Variants in MACROD1 observed in about 807,000 individuals in gnomAD.
MACROD1 encodes mono-ADP ribosylhydrolase 1.
MACROD1 carries 31 observed loss-of-function variants against 41.4 expected under a neutral mutation model. The ratio of observed to expected loss-of-function variants is 0.75; its 90% CI spans 0.56 to 1.01. The LOEUF is 1.01. Ranked by LOEUF, MACROD1 falls within the 50% of genes least tolerant of loss-of-function variation. MACROD1 has a pLI of 0.00. For synonymous variants in MACROD1, 252 were observed against 203.4 expected, an observed-to-expected ratio of 1.24 and a Z score of -2.03; for missense variants, 473 against 460.0, an observed-to-expected ratio of 1.03 and a Z score of -0.26.
At chr11:64,051,616 C>T (rs938245683) in intron 3 of MACROD1, among the ~76,000 whole-genome samples, 5 of 152,346 alleles carry the variant, frequency 3.3e-5, no homozygotes, top group East Asian at 1.9e-4. Context: ...GCCATTCCTG[C>T]GTGGAGCGGG....
intron 3 of MACROD1, among the ~76,000 whole-genome samples, chr11:64,019,185 A>G (rs1943120888): frequency 6.6e-6 from 1 of 152,182 alleles, no homozygotes; most frequent in Non-Finnish European, 1.5e-5. Flanking sequence ...CCCCCACTGC[A>G]GGCCGAGGTG....
intron 3 of MACROD1, among the ~76,000 whole-genome samples, chr11:64,141,522 CT>C (rs1332027772): frequency 6.6e-6 from 1 of 152,266 alleles, no homozygotes; most frequent in Admixed American, 6.5e-5. Context: ...ACCAGCTCGG[CT>C]GTGCCTTGCC....
intron 1 of MACROD1, among the ~76,000 whole-genome samples, chr11:64,158,534 C>T (rs556605339): frequency 5.3e-5 from 8 of 152,300 alleles, no homozygotes; most frequent in Admixed American, 2.0e-4. Context: ...TGAGCCACCA[C>T]GCCTGGCCCA....
intron 3 of MACROD1, chr11:64,116,198 C>G: frequency 2.6e-6 from 4 of 1,535,388 alleles, no homozygotes; most frequent in Non-Finnish European, 2.6e-6. Context: ...TCTCACTGCC[C>G]CTGTCCTGTG....
intron 3 of MACROD1, among the ~76,000 whole-genome samples, chr11:64,130,441 A>T (rs568691995): frequency 6.6e-6 from 1 of 152,052 alleles, no homozygotes; most frequent in Non-Finnish European, 1.5e-5. Flanking sequence ...TCCTGCCCCT[A>T]CTTCCCAGGA....
At chr11:63,999,155 C>CTCAT in intron 8 of MACROD1, 119 bp from the exon 9 acceptor site, 1 of 1,309,376 alleles carries the variant, frequency 7.6e-7, no homozygotes, top group Non-Finnish European at 1.0e-6. Context: ...CGGAGGCTCA[C>CTCAT]GGCTGTGTGC....
At chr11:64,037,027 T>C (rs1249774994) in intron 3 of MACROD1, among the ~76,000 whole-genome samples, 1 of 150,482 alleles carries the variant, frequency 6.6e-6, no homozygotes, top group Non-Finnish European at 1.5e-5. Flanking sequence ...CCGGGAGGTC[T>C]TCGAGGCCCT....
chr11:64,090,889 C>A lies in MACROD1; in HGVS notation c.517+60350G>T, dbSNP rs1429885463. ...AGGGACGAAGTAAAGCAGGAGAGGGCAGGGGGAGGGACAGCCAGGGTGGTC... is the reference window on the plus strand; with the variant it reads ...AGGGACGAAGTAAAGCAGGAGAGGGAAGGGGGAGGGACAGCCAGGGTGGTC... On this transcript the variant is annotated intron_variant, in intron 3 of 10. Transcript: ENST00000255681. The surrounding 1 kb of genome is among the most constrained non-coding windows in gnomAD (Gnocchi z 4.7). 6.6e-6 allele frequency among the ~76,000 whole-genome samples: 1 copy of A among 151,956 alleles called. No individual in the cohort carries two copies. Among genetic ancestry groups the A allele is most frequent in the Non-Finnish European group, 1.5e-5 (1 of 67,974 alleles).
chr11:64,155,600 C>T (rs1460442623), intron 1 of MACROD1, among the ~76,000 whole-genome samples: 2 of 152,184 alleles, frequency 1.3e-5, no homozygotes, highest in African/African-American at 2.4e-5. Context: ...TCCTTCCTGG[C>T]GGCTAAATAA....
chr11:64,047,482 G>T (rs1943606809), intron 3 of MACROD1, among the ~76,000 whole-genome samples: 1 of 152,154 alleles, frequency 6.6e-6, no homozygotes, highest in African/African-American at 2.4e-5. Flanking sequence ...GGAGTGACCA[G>T]CTTGGCATTC....
rs1945572175 is a variant in MACROD1 at position 64,151,258 on chromosome 11, C to T, written c.498G>A (p.Val166=). ...LLRSDITKLE[V]DAIVNAANSS... is the part of the protein sequence containing the mutation. The stretch of plus-strand genomic sequence containing the variant: ...ACTCACCGGCGTTGACGATGGCGTC[C>T]ACCTCCAGCTTGGTGATGTCGCTGC... Residue 166 remains valine, a synonymous_variant, in exon 3 of 11, where the codon GTG becomes GTA. Transcript: ENST00000255681. The T allele has an allele frequency of 6.2e-7, 1 of 1,613,652 alleles. No homozygotes were observed. The highest frequency in any genetic ancestry group is 8.5e-7 in the Non-Finnish European group (1 of 1,180,014).
At chr11:64,013,374 G>A (rs1033302286) in intron 4 of MACROD1, among the ~76,000 whole-genome samples, 1 of 152,228 alleles carries the variant, frequency 6.6e-6, no homozygotes, top group Non-Finnish European at 1.5e-5. Context: ...AAGGCCTGTC[G>A]GAGTGAACGG....
At chr11:64,052,419 T>G (rs571488758) in intron 3 of MACROD1, among the ~76,000 whole-genome samples, 8 of 152,326 alleles carry the variant, frequency 5.3e-5, no homozygotes, top group Admixed American at 3.9e-4. Context: ...TCAAGCGATC[T>G]TCCATCTTAG....
intron 3 of MACROD1, among the ~76,000 whole-genome samples, chr11:64,098,913 AAG>A (rs1426512768): frequency 6.6e-6 from 1 of 152,232 alleles, no homozygotes; most frequent in African/African-American, 2.4e-5. Flanking sequence ...ATCCATCCCA[AAG>A]AGCCAAAGGT....
At chr11:64,125,374 T>G (rs1945162282) in intron 3 of MACROD1, among the ~76,000 whole-genome samples, 1 of 152,188 alleles carries the variant, frequency 6.6e-6, no homozygotes, top group African/African-American at 2.4e-5. Flanking sequence ...AGTCAGCACC[T>G]TGCCCTTCCC....
chr11:64,158,713 T>C (rs1590980838), intron 1 of MACROD1, among the ~76,000 whole-genome samples: 1 of 130,988 alleles, frequency 7.6e-6, no homozygotes, highest in African/African-American at 2.5e-5. Context: ...CCAGGGGCTG[T>C]TGGAACAAGG....
chr11:64,141,028 G>A (rs917524638), intron 3 of MACROD1, among the ~76,000 whole-genome samples: 31 of 152,190 alleles, frequency 2.0e-4, no homozygotes, highest in South Asian at 8.3e-4. Context: ...CCAGCAACTC[G>A]GGAGGCTAAG....
chr11:64,122,645 CCT>C lies in MACROD1; in HGVS notation c.517+28592_517+28593del, dbSNP rs1945117082. Among the ~76,000 whole-genome samples the C allele has an allele frequency of 1.3e-5, 2 of 152,014 alleles. No individual in the cohort carries two copies. Among genetic ancestry groups the C allele is most frequent in the African/African-American group, 4.8e-5 (2 of 41,366 alleles). ...GAAAGAGGGTTTGGTGAGAATACAG[CCT>C]CTGTTTCCCCTTCTGTAAAGTGGGG... On this transcript the variant is annotated intron_variant, in intron 3 of 10. Transcript: ENST00000255681. This position sits in a 1 kb window ranked among gnomAD's most constrained non-coding sequence, Gnocchi z 4.0.
intron 3 of MACROD1, among the ~76,000 whole-genome samples, chr11:64,078,420 G>A (rs1030146096): frequency 6.6e-6 from 1 of 152,244 alleles, no homozygotes; most frequent in Non-Finnish European, 1.5e-5. Flanking sequence ...AAATGCAGCT[G>A]CACCGAAACA....
Sources: allele counts gnomAD v4.1 joint callset (sites outside exome capture counted in the v4.1 genomes callset), GRCh38; gene constraint gnomAD v4.1.1; non-coding constraint Gnocchi (gnomAD v3.1); transcripts MANE v1.5; gene names NCBI Gene and HGNC (gene_info 2026-07-23, HGNC 2026-07-21).